Variants in IRF8 observed in about 807,000 individuals in gnomAD.
IRF8 encodes interferon regulatory factor 8, also known as interferon consensus sequence binding protein 1.
A neutral mutation model predicts 48.7 loss-of-function variants in IRF8; 14 were observed. That is an observed-to-expected ratio of 0.29 (90% CI 0.19 to 0.45). IRF8 has a LOEUF of 0.45. Among genes scored for constraint, IRF8 ranks in the 20% least tolerant of loss-of-function variants. IRF8 has a pLI of 1.00. For synonymous variants in IRF8, 278 were observed against 227.3 expected (o/e 1.22, Z -2.01); for missense variants, 493 against 580.7 (o/e 0.85, Z 1.55).
rs1253104473 is a variant in IRF8, at chr16:85,921,547, A to G, written c.*265A>G. On this transcript the variant is annotated 3_prime_UTR_variant, in exon 9 of 9. Coordinates refer to ENST00000268638, the MANE Select transcript of IRF8 (RefSeq NM_002163.4). ...TATTTTCTATCCTTTACCCGTCATT[A>G]TCATTAGTTGCTATGATTCTTTCTG... 1.4e-5 allele frequency: 7 copies of G among 488,164 alleles called. No individual in the cohort carries two copies. The highest frequency in any genetic ancestry group is 3.9e-5 in the African/African-American group (2 of 51,572). The allele number at this position is 488,164 out of a possible 1,614,324, so 30.2% of individuals were successfully genotyped here.
intron 1 of IRF8, among the ~76,000 whole-genome samples, chr16:85,899,652 T>C (rs1904763331): frequency 6.6e-6 from 1 of 152,270 alleles, no homozygotes; most frequent in South Asian, 2.1e-4. Context: ...TACTGAGGGT[T>C]AGTTTGTGAA....
intron 7 of IRF8, 28 bp from the exon 8 acceptor site, chr16:85,920,081 C>T (rs1425862378): frequency 1.3e-6 from 2 of 1,566,292 alleles, no homozygotes; most frequent in Non-Finnish European, 1.8e-6. Flanking sequence ...GCCTTGCTTG[C>T]AAACACCCTC....
intron 1 of IRF8, among the ~76,000 whole-genome samples, chr16:85,899,983 T>G (rs1408294879): frequency 6.6e-6 from 1 of 152,170 alleles, no homozygotes; most frequent in African/African-American, 2.4e-5. Flanking sequence ...GGCCCCCCAC[T>G]TTCTTTTTTT....
rs1905198921 is a variant in IRF8, at chr16:85,913,251, C to T, written c.553+15C>T. The T allele has an allele frequency of 6.3e-7, 1 of 1,581,184 alleles. No homozygotes were observed. Among genetic ancestry groups the T allele is most frequent in the Non-Finnish European group, 8.7e-7 (1 of 1,150,220 alleles). On this transcript the variant is annotated intron_variant, in intron 5 of 8. Transcript: ENST00000268638. ...GCCCAGCACAGGTGAGGGTGGGTGG[C>T]CTAGAATTGTCACCAGGCATGGCCT... is the stretch of plus-strand genomic sequence containing the variant.
chr16:85,911,194 G>A (rs366304), intron 3 of IRF8, among the ~76,000 whole-genome samples: 7 of 152,196 alleles, frequency 4.6e-5, no homozygotes, highest in Non-Finnish European at 8.8e-5. Context: ...CCAGGAAATC[G>A]GTGAGTGTTT....
At chr16:85,921,001 C>A in intron 8 of IRF8, 105 bp from the exon 9 acceptor site, 2 of 1,123,714 alleles carry the variant, frequency 1.8e-6, no homozygotes, top group Non-Finnish European at 2.6e-6. Flanking sequence ...ACTTGGGACT[C>A]ACGTGGCACT....
chr16:85,915,599 C>T (rs549573016), intron 6 of IRF8, among the ~76,000 whole-genome samples: 13 of 152,358 alleles, frequency 8.5e-5, no homozygotes, highest in South Asian at 2.1e-4. Flanking sequence ...ATCCAGGTCG[C>T]GCAGGCCTCT....
intron 8 of IRF8, among the ~76,000 whole-genome samples, chr16:85,920,606 G>A (rs1050786512): frequency 5.3e-5 from 8 of 152,270 alleles, no homozygotes; most frequent in South Asian, 2.1e-4. Flanking sequence ...GTTTTGGGCT[G>A]GAGAAGAGGA....
At chr16:85,919,664 T>C (rs1905469658) in intron 7 of IRF8, among the ~76,000 whole-genome samples, 2 of 152,230 alleles carry the variant, frequency 1.3e-5, no homozygotes, top group Admixed American at 1.3e-4. Context: ...CCCAAGATTC[T>C]ACATTTCTAA....
intron 6 of IRF8, among the ~76,000 whole-genome samples, chr16:85,916,387 G>T (rs149462762): frequency 1.1e-3 from 167 of 152,342 alleles, no homozygotes; most frequent in African/African-American, 3.7e-3. Flanking sequence ...CCCCAGCAAG[G>T]CTGTTCTTGT....
intron 2 of IRF8, among the ~76,000 whole-genome samples, chr16:85,904,812 C>CTTTTTTTTGTTTTTTTTTTTTTT (rs1904941793): frequency 1.1e-5 from 1 of 87,598 alleles, no homozygotes; most frequent in Non-Finnish European, 2.1e-5. Flanking sequence ...GATTGCAGAT[C>CTTTTTTTTGTTTTTTTTTTTTTT]TTTTTTTTTT....
At chr16:85,916,408 C>G (rs1905306717) in intron 6 of IRF8, among the ~76,000 whole-genome samples, 1 of 152,158 alleles carries the variant, frequency 6.6e-6, no homozygotes, top group African/African-American at 2.4e-5. Flanking sequence ...GGGTGAGTGG[C>G]TCTATAAGGG....
chr16:85,905,254 A>G (rs1408515543), intron 2 of IRF8, among the ~76,000 whole-genome samples: 1 of 152,174 alleles, frequency 6.6e-6, no homozygotes, highest in Non-Finnish European at 1.5e-5. Flanking sequence ...AACATCTTTA[A>G]GACATGGCAG....
At chr16:85,904,443 C>A (rs1208377777) in intron 2 of IRF8, among the ~76,000 whole-genome samples, 1 of 152,204 alleles carries the variant, frequency 6.6e-6, no homozygotes, top group African/African-American at 2.4e-5. Flanking sequence ...AAGATCACAC[C>A]TTAACCCCAG....
At chr16:85,919,064 G>C (rs534375721) in intron 7 of IRF8, among the ~76,000 whole-genome samples, 2 of 152,086 alleles carry the variant, frequency 1.3e-5, no homozygotes, top group Non-Finnish European at 2.9e-5. Context: ...GGTGATTGTC[G>C]GGAGGGTAAA....
intron 1 of IRF8, chr16:85,901,058 G>A (rs1278947170): frequency 2.0e-5 from 3 of 152,274 alleles, no homozygotes; most frequent in African/African-American, 7.2e-5. Flanking sequence ...CAATCTAGGA[G>A]AAATTTTTCT....
At chr16:85,909,624 G>A (rs964931646) in intron 3 of IRF8, 2 of 210,730 alleles carry the variant, frequency 9.5e-6, no homozygotes, top group Non-Finnish European at 1.9e-5. Context: ...GCCTCAGTGT[G>A]TTACTAGATC....
chr16:85,908,186 C>G (rs965267140), intron 2 of IRF8, among the ~76,000 whole-genome samples: 1 of 152,174 alleles, frequency 6.6e-6, no homozygotes, highest in Non-Finnish European at 1.5e-5. Context: ...TTCCTGAAAC[C>G]GAAGATAATT....
intron 4 of IRF8, among the ~76,000 whole-genome samples, chr16:85,912,094 A>G (rs1472733875): frequency 6.6e-6 from 1 of 152,194 alleles, no homozygotes. Context: ...TCTCATGGCT[A>G]TTTGATTGCT....
Sources: allele counts gnomAD v4.1 joint callset (sites outside exome capture counted in the v4.1 genomes callset), GRCh38; gene constraint gnomAD v4.1.1; transcripts MANE v1.5; gene names NCBI Gene and HGNC (gene_info 2026-07-23, HGNC 2026-07-21).